FAT3: variants seen among roughly 807,000 people sequenced by gnomAD.
FAT3 encodes the protein protocadherin Fat 3.
A neutral mutation model predicts 310.2 loss-of-function variants in FAT3; 95 were observed. That is an observed-to-expected ratio of 0.31 (90% CI 0.26 to 0.36). FAT3 has a LOEUF of 0.36. FAT3 is among the 10% of genes least tolerant of loss of function. FAT3 has a pLI of 1.00. For missense variants in FAT3, 5,408 were observed against 5,715.6 expected, an observed-to-expected ratio of 0.95 and a Z score of 1.74; for synonymous variants, 2,314 against 2,192.9, an observed-to-expected ratio of 1.06 and a Z score of -1.54.
At chr11:92,272,141 A>G (rs530568636) in intron 1 of FAT3, among the ~76,000 whole-genome samples, 1 of 152,202 alleles carries the variant, frequency 6.6e-6, no homozygotes, top group Non-Finnish European at 1.5e-5. Context: ...AGTTCTGCAC[A>G]CATCAGATGG....
rs1565666971 is a variant in FAT3, at chr11:92,871,643, C to T, written c.12127+4434C>T. On this transcript the variant is annotated intron_variant, in intron 22 of 27. Coordinates refer to ENST00000525166, the MANE Select transcript of FAT3 (RefSeq NM_001367949.2). ...TTTACTTGCCTCCAGTATTTGCTGTCCACATCAGGAACTTTCTGCTAGGTC... is the reference window on the plus strand; with the variant it reads ...TTTACTTGCCTCCAGTATTTGCTGTTCACATCAGGAACTTTCTGCTAGGTC... Among the ~76,000 whole-genome samples, 3 of 152,242 alleles carry T rather than the reference C, an allele frequency of 2.0e-5. No individual in the cohort carries two copies. The South Asian group carries it at 6.2e-4, about 32-fold the overall frequency.
At chr11:92,757,756 G>A (rs1946043316) in intron 4 of FAT3, among the ~76,000 whole-genome samples, 1 of 152,180 alleles carries the variant, frequency 6.6e-6, no homozygotes, top group African/African-American at 2.4e-5. Context: ...AGGACACTAG[G>A]TTTCAGAAAA....
At chr11:92,260,138 C>A (rs1037612541) in intron 1 of FAT3, among the ~76,000 whole-genome samples, 2 of 152,232 alleles carry the variant, frequency 1.3e-5, no homozygotes, top group East Asian at 3.9e-4. Context: ...CAGATGCAGC[C>A]CTTGGCTGTA....
chr11:92,351,350 TA>T, intron 1 of FAT3, among the ~76,000 whole-genome samples: 1 of 152,270 alleles, frequency 6.6e-6, no homozygotes, highest in Non-Finnish European at 1.5e-5. Context: ...ATTATAATTA[TA>T]AAAGTAATTA....
chr11:92,548,946 T>A (rs1434231168), intron 3 of FAT3, among the ~76,000 whole-genome samples: 2 of 152,214 alleles, frequency 1.3e-5, no homozygotes, highest in African/African-American at 4.8e-5. Context: ...CAACCATGTA[T>A]TGTTGGCATC....
intron 2 of FAT3, among the ~76,000 whole-genome samples, chr11:92,355,779 A>G (rs1321941827): frequency 6.6e-6 from 1 of 152,212 alleles, no homozygotes. Flanking sequence ...TTAAGTTAGA[A>G]GTGTGAAATG....
At chr11:92,857,162 G>T (rs1460208412) in intron 19 of FAT3, 52 bp from the exon 20 acceptor site, 1 of 1,612,848 alleles carries the variant, frequency 6.2e-7, no homozygotes, top group Non-Finnish European at 8.5e-7. Flanking sequence ...TCCCTGGAGT[G>T]CAGGGTGAAT....
intron 24 of FAT3, among the ~76,000 whole-genome samples, chr11:92,885,388 A>G (rs1949772988): frequency 1.3e-5 from 2 of 152,152 alleles, no homozygotes. Flanking sequence ...TTAGGATTAA[A>G]ACCTGTGCTC....
At chr11:92,453,160 G>A (rs935282389) in intron 2 of FAT3, among the ~76,000 whole-genome samples, 1 of 152,094 alleles carries the variant, frequency 6.6e-6, no homozygotes, top group African/African-American at 2.4e-5. Context: ...AAATAAGTCC[G>A]TATTGAAAGG....
intron 2 of FAT3, among the ~76,000 whole-genome samples, chr11:92,490,220 C>T (rs976455137): frequency 2.0e-5 from 3 of 152,070 alleles, no homozygotes; most frequent in East Asian, 1.9e-4. Flanking sequence ...TGATAGCCAT[C>T]GGCATAATCA....
intron 2 of FAT3, among the ~76,000 whole-genome samples, chr11:92,413,661 C>T (rs1244061939): frequency 6.6e-6 from 1 of 152,204 alleles, no homozygotes; most frequent in Non-Finnish European, 1.5e-5. Flanking sequence ...TCTAGAATTT[C>T]AGCTTTCCCT....
chr11:92,663,511 A>G (rs1028056650), intron 3 of FAT3, among the ~76,000 whole-genome samples: 3 of 151,834 alleles, frequency 2.0e-5, no homozygotes, highest in Admixed American at 2.0e-4. Context: ...TTGAGCAGCG[A>G]CTCTGTCTGG....
chr11:92,793,246 G>A (rs565075486), intron 9 of FAT3, among the ~76,000 whole-genome samples: 110 of 152,230 alleles, frequency 7.2e-4, no homozygotes, highest in Non-Finnish European at 1.3e-3. Context: ...AAATAAATAC[G>A]TAATAAATTT....
Position 92,801,153 on chromosome 11 carries a change from TC to T in FAT3, c.8142del (p.Phe2715LeufsTer16). ...FLPSFTQSQY[S>X]FTIAEDTAIG... ...GCCATCATTCACCCAGTCTCAGTAT[TC>T]CTTTACCATTGCAGAAGATACAGCC... On this transcript the variant is annotated frameshift_variant, in exon 10 of 28. Coordinates refer to ENST00000525166, the MANE Select transcript of FAT3 (RefSeq NM_001367949.2). LOFTEE classifies it high-confidence loss of function. The T allele has an allele frequency of 6.2e-7, 1 of 1,613,934 alleles. No homozygotes were observed. The highest frequency in any genetic ancestry group is 8.5e-7 in the Non-Finnish European group (1 of 1,179,878).
chr11:92,482,102 T>C (rs1200680001), intron 2 of FAT3, among the ~76,000 whole-genome samples: 1 of 152,124 alleles, frequency 6.6e-6, no homozygotes, highest in African/African-American at 2.4e-5. Context: ...TAACCATACA[T>C]TTAGACATCT....
rs564396550 is a variant in FAT3, at chr11:92,842,726, A to C, written c.10567-1208A>C. 2.0e-5 allele frequency among the ~76,000 whole-genome samples: 3 copies of C among 152,224 alleles called. No homozygotes were observed. In the East Asian group the frequency reaches 5.8e-4, roughly 30 times the overall value. Reference sequence around the variant, plus strand: ...ATCTCTACAAAAACAAAAACAAAAAAAAAGTAGCCTGGTGTGGTGGTGCAC... The same window carrying C: ...ATCTCTACAAAAACAAAAACAAAAACAAAGTAGCCTGGTGTGGTGGTGCAC... On this transcript the variant is annotated intron_variant, in intron 18 of 27. Coordinates refer to ENST00000525166, the MANE Select transcript of FAT3 (RefSeq NM_001367949.2).
At chr11:92,362,230 A>G (rs914145881) in intron 2 of FAT3, among the ~76,000 whole-genome samples, 2 of 152,234 alleles carry the variant, frequency 1.3e-5, no homozygotes, top group African/African-American at 4.8e-5. Flanking sequence ...CCTAATGTAC[A>G]CTTTGAATTC....
chr11:92,661,536 G>T (rs1292879646), intron 3 of FAT3, among the ~76,000 whole-genome samples: 1 of 151,386 alleles, frequency 6.6e-6, no homozygotes, highest in Non-Finnish European at 1.5e-5. Flanking sequence ...TAACGGATGG[G>T]CATTAATGTG....
intron 3 of FAT3, among the ~76,000 whole-genome samples, chr11:92,672,841 ATAT>A (rs1004838632): frequency 2.6e-5 from 4 of 152,308 alleles, no homozygotes; most frequent in African/African-American, 9.6e-5. Context: ...AACTCAGTTA[ATAT>A]TATAGGAATC....
Sources: gnomAD v4.1 joint callset for allele counts (sites outside exome capture counted in the v4.1 genomes callset) on GRCh38, gnomAD v4.1.1 for gene constraint, MANE v1.5 for transcripts, NCBI Gene and HGNC (gene_info 2026-07-23, HGNC 2026-07-21) for gene names.